Variants in SCLT1 observed in about 807,000 individuals in gnomAD.
SCLT1 encodes sodium channel-associated protein 1.
In SCLT1, 78 loss-of-function variants were observed where a neutral mutation model predicts 112.8. The observed-to-expected ratio is 0.69, with a 90% confidence interval of 0.58 to 0.83. The LOEUF is 0.83. Ranked by LOEUF, SCLT1 falls within the 40% of genes least tolerant of loss-of-function variation. SCLT1 has a pLI of 0.00. For synonymous variants in SCLT1, 257 were observed against 254.7 expected, an observed-to-expected ratio of 1.01 and a Z score of -0.09; for missense variants, 747 against 770.4, an observed-to-expected ratio of 0.97 and a Z score of 0.36.
At position 128,990,797 on chromosome 4, in the gene SCLT1, T is replaced by C. The variant is rs182606492; in HGVS notation, c.686+1370A>G. Among the ~76,000 whole-genome samples, 27 of 142,506 alleles carry C rather than the reference T, an allele frequency of 1.9e-4. No homozygotes were observed. In the East Asian group the frequency reaches 5.5e-3, roughly 29 times the overall value. The allele number at this position is 142,506 out of a possible 152,430, so 93.5% of individuals were successfully genotyped here. On this transcript the variant is annotated intron_variant, in intron 9 of 20. Transcript: ENST00000281142. The stretch of plus-strand genomic sequence containing the variant: ...TTATTTCCATATGCCAACTGAACAG[T>C]CTGAAAAAAAAAACAAGAAAGTAAT...
intron 9 of SCLT1, among the ~76,000 whole-genome samples, chr4:128,975,933 C>G (rs1203869409): frequency 6.6e-6 from 1 of 152,130 alleles, no homozygotes; most frequent in Non-Finnish European, 1.5e-5. Context: ...CAAAGAAATT[C>G]TAAAAGCAGT....
At chr4:129,064,365 G>A (rs1750280983) in intron 2 of SCLT1, among the ~76,000 whole-genome samples, 1 of 151,918 alleles carries the variant, frequency 6.6e-6, no homozygotes, top group Admixed American at 6.6e-5. Context: ...TCCTTTTATG[G>A]ACCATGCTTG....
At chr4:128,880,872 G>C (rs1338296502), downstream of SCLT1, among the ~76,000 whole-genome samples, 5 of 152,102 alleles carry the variant, frequency 3.3e-5, no homozygotes, top group Non-Finnish European at 7.4e-5. Context: ...TACATAGTTT[G>C]AAGCCGTATC....
At chr4:128,890,449 T>C (rs1733220086) in intron 19 of SCLT1, among the ~76,000 whole-genome samples, 1 of 152,176 alleles carries the variant, frequency 6.6e-6, no homozygotes, top group Non-Finnish European at 1.5e-5. Context: ...AATGCCATGA[T>C]GCTTAGGAGT....
chr4:128,922,440 T>G (rs1291745709), intron 18 of SCLT1, among the ~76,000 whole-genome samples: 1 of 152,062 alleles, frequency 6.6e-6, no homozygotes, highest in African/African-American at 2.4e-5. Context: ...AAAAATATGG[T>G]ATATATACCC....
chr4:129,016,453 G>C (rs1325431603), intron 5 of SCLT1, among the ~76,000 whole-genome samples: 2 of 152,134 alleles, frequency 1.3e-5, no homozygotes, highest in Admixed American at 1.3e-4. Context: ...GTTTTTTAAA[G>C]GCCAACCCTG....
intron 17 of SCLT1, among the ~76,000 whole-genome samples, chr4:128,939,282 T>C (rs1737478503): frequency 6.6e-6 from 1 of 152,230 alleles, no homozygotes; most frequent in Admixed American, 6.5e-5. Flanking sequence ...TCTGCTTACC[T>C]ATTTCAACTT....
At position 128,999,692 on chromosome 4, in the gene SCLT1, A is replaced by G. The variant is rs1424018392; in HGVS notation, c.529T>C (p.Phe177Leu). 4 of 1,600,044 alleles carry G rather than the reference A, an allele frequency of 2.5e-6. No homozygotes were observed. Reference protein sequence around the residue: ...EHMTEAQIHVFESQKQKDQLF... With the variant: ...EHMTEAQIHVLESQKQKDQLF... The stretch of plus-strand genomic sequence containing the variant: ...ATTACCTTTTGTTTTTGACTTTCAA[A>G]TACATGAATCTGGGCCTCAGTCATA... The change falls in exon 7 of 21, where the codon TTT (phenylalanine) becomes CTT (leucine). Residue 177 changes from phenylalanine (F) to leucine (L), a missense_variant. Around this residue, in one of 2 missense-constraint regions of SCLT1, gnomAD observed 723 missense variants for 721.3 expected, o/e 1.00. Transcript: ENST00000281142.
Position 128,919,212 on chromosome 4 carries a change from T to A in SCLT1, c.1829+17443A>T, listed in dbSNP as rs187705031. Among the ~76,000 whole-genome samples the A allele has an allele frequency of 1.6e-3, 236 of 151,438 alleles. 2 individuals carry two copies. Among genetic ancestry groups the A allele is most frequent in the African/African-American group, 5.2e-3 (215 of 41,258 alleles). On this transcript the variant is annotated intron_variant, in intron 18 of 20. Transcript: ENST00000281142. ...CTCAGCAAATTAAAAAAAAAAATCA[T>A]ACTAAACACACTCTTGGACCACAGT...
In SCLT1 at chr4:128,960,938, A is replaced by AG. The variant is rs2126016467; in HGVS notation, c.870-1162_870-1161insC. ...CGAGACTCCGTCTCAAAAAAAAAAAAAAAAAAAAAAGAACTCTAAATTATA... is the reference window on the plus strand; with the variant it reads ...CGAGACTCCGTCTCAAAAAAAAAAAAGAAAAAAAAAAGAACTCTAAATTATA... On this transcript the variant is annotated intron_variant, in intron 11 of 20. Coordinates refer to ENST00000281142, the MANE Select transcript of SCLT1 (RefSeq NM_144643.4). Among the ~76,000 whole-genome samples, 2 of 149,872 alleles carry AG rather than the reference A, an allele frequency of 1.3e-5. 1 individual carries two copies. The highest frequency in any genetic ancestry group is 1.3e-4 in the Admixed American group (2 of 15,080).
chr4:128,927,344 G>A (rs986334947), intron 18 of SCLT1, among the ~76,000 whole-genome samples: 1 of 152,100 alleles, frequency 6.6e-6, no homozygotes, highest in African/African-American at 2.4e-5. Context: ...GCCAAGGCAG[G>A]AGGATCAGTT....
At chr4:128,968,280 G>A (rs752074566) in intron 10 of SCLT1, among the ~76,000 whole-genome samples, 35 of 151,872 alleles carry the variant, frequency 2.3e-4, no homozygotes, top group Non-Finnish European at 4.3e-4. Context: ...TAAACTCTCT[G>A]TTCTTTGGAC....
intron 2 of SCLT1, 139 bp from the exon 3 acceptor site, chr4:129,044,190 A>G (rs1372085863): frequency 2.0e-6 from 1 of 511,760 alleles, no homozygotes; most frequent in Non-Finnish European, 3.5e-6. Context: ...GAAAAAAATA[A>G]TAATCTCAAT....
chr4:128,966,429 A>G (rs6814109), intron 10 of SCLT1, among the ~76,000 whole-genome samples: 112,808 of 152,080 alleles, frequency 0.74, 43,005 homozygotes, highest in African/African-American at 0.93. Context: ...TTGCAACAGC[A>G]TATATCCATG....
intron 1 of SCLT1, among the ~76,000 whole-genome samples, chr4:129,091,508 T>A (rs1039696441): frequency 3.9e-4 from 59 of 152,154 alleles, no homozygotes; most frequent in African/African-American, 1.3e-3. Context: ...TCAAGTACTA[T>A]CCTGACTCTA....
chr4:129,055,493 G>C (rs1328738099), intron 2 of SCLT1, among the ~76,000 whole-genome samples: 1 of 152,170 alleles, frequency 6.6e-6, no homozygotes, highest in East Asian at 1.9e-4. Context: ...CATGAATCTA[G>C]AGAGGCATTC....
intron 1 of SCLT1, among the ~76,000 whole-genome samples, chr4:129,086,895 T>A (rs1752441263): frequency 6.6e-6 from 1 of 152,056 alleles, no homozygotes; most frequent in Non-Finnish European, 1.5e-5. Flanking sequence ...CTGCTTATAC[T>A]CAAGAAGAAA....
intron 17 of SCLT1, among the ~76,000 whole-genome samples, 183 bp from the exon 18 acceptor site, chr4:128,937,034 T>C (rs568957040): frequency 6.6e-6 from 1 of 152,208 alleles, no homozygotes; most frequent in African/African-American, 2.4e-5. Context: ...ATCCCAGCAC[T>C]TTGGGAGGCC....
At position 129,061,626 on chromosome 4, in the gene SCLT1, A is replaced by G. The variant is rs114734183; in HGVS notation, c.103-17575T>C. 5.4e-3 allele frequency among the ~76,000 whole-genome samples: 828 copies of G among 152,104 alleles called. 8 individuals carry two copies. Among genetic ancestry groups the G allele is most frequent in the African/African-American group, 0.019 (780 of 41,496 alleles). On this transcript the variant is annotated intron_variant, in intron 2 of 20. Coordinates refer to ENST00000281142, the MANE Select transcript of SCLT1 (RefSeq NM_144643.4). The stretch of plus-strand genomic sequence containing the variant: ...GGCTAAGGTGCTGTTCTCATAGGAG[A>G]CAGGGTACCACTTTGGGTCCAGTCT...
Sources: allele counts gnomAD v4.1 joint callset (sites outside exome capture counted in the v4.1 genomes callset), GRCh38; gene constraint gnomAD v4.1.1; regional missense constraint gnomAD v4.1.1; transcripts MANE v1.5; gene names NCBI Gene and HGNC (gene_info 2026-07-23, HGNC 2026-07-21).